Variants in ITIH6 observed in about 807,000 individuals in gnomAD.
ITIH6 encodes the protein inter-alpha-trypsin inhibitor heavy chain family member 6, also known as inter-alpha-trypsin inhibitor heavy chain H6.
In ITIH6, 60 loss-of-function variants were observed where a neutral mutation model predicts 58.2. The ratio of observed to expected loss-of-function variants is 1.03; its 90% CI spans 0.84 to 1.28. The LOEUF (loss-of-function observed/expected upper bound fraction) is 1.28, where lower values mean the gene tolerates loss of function less well. ITIH6 is among the 50% of genes most tolerant of loss of function. ITIH6 has a pLI of 0.00. For synonymous variants in ITIH6, 493 were observed against 417.4 expected, an observed-to-expected ratio of 1.18 and a Z score of -2.21; for missense variants, 1,290 against 1,021.1, an observed-to-expected ratio of 1.26 and a Z score of -3.59.
chrX:54,753,880 A>G (rs1569543813), intron 10 of ITIH6, 50 bp downstream of exon 10: 3 of 1,178,440 alleles, frequency 2.5e-6, no homozygotes, highest in Non-Finnish European at 3.5e-6. Context: ...GTCCCAGTGC[A>G]CAAGCTGCCC....
chrX:54,780,071 A>G (rs1302054741), intron 5 of ITIH6, among the ~76,000 whole-genome samples: 1 of 111,391 alleles, frequency 9.0e-6, no homozygotes, highest in African/African-American at 3.3e-5. Flanking sequence ...CCAACATGAT[A>G]ATCGCTAGAG....
chrX:54,761,744 T>A (rs1463287632), intron 6 of ITIH6, among the ~76,000 whole-genome samples: 1 of 110,899 alleles, frequency 9.0e-6, no homozygotes, highest in Non-Finnish European at 1.9e-5. Context: ...GATCAGATGG[T>A]TGTAGATGTG....
At chrX:54,765,952 G>T (rs1928775236) in intron 6 of ITIH6, among the ~76,000 whole-genome samples, 1 of 111,356 alleles carries the variant, frequency 9.0e-6, no homozygotes, top group Non-Finnish European at 1.9e-5. Context: ...GATTGATGGG[G>T]ATGGCATTGA....
chrX:54,763,375 A>T (rs772037481), intron 6 of ITIH6, among the ~76,000 whole-genome samples: 1 of 111,589 alleles, frequency 9.0e-6, no homozygotes, highest in African/African-American at 3.3e-5. Context: ...GTGAGAGCCT[A>T]TGAGGTCCTA....
In ITIH6 at chrX:54,758,565, C is replaced by T; in HGVS notation, c.1509G>A (p.Leu503=). ...CTGGCTGCACCTGTCCTGCCACCAC[C>T]AGCTCAGAGCCACCAAAGTAGTTGG... ...VFPNYFGGSE[L]VVAGQVQPGK... The change falls in exon 8 of 13, where the codon CTG becomes CTA. Residue 503 remains leucine (L), a synonymous_variant. Coordinates refer to ENST00000218436, the MANE Select transcript of ITIH6 (RefSeq NM_198510.3). 2 of 1,210,717 alleles carry T rather than the reference C, an allele frequency of 1.7e-6. No individual in the cohort carries two copies. Among genetic ancestry groups the T allele is most frequent in the Non-Finnish European group, 2.2e-6 (2 of 894,944 alleles).
chrX:54,791,218 C>T (rs1929343262), intron 3 of ITIH6, 134 bp from the exon 4 acceptor site: 11 of 576,727 alleles, frequency 1.9e-5, no homozygotes. Context: ...TCAACTGAGT[C>T]ACTGGCTCAT....
chrX:54,762,905 T>G (rs5961131), intron 6 of ITIH6, among the ~76,000 whole-genome samples: 1 of 111,246 alleles, frequency 9.0e-6, no homozygotes, highest in Admixed American at 9.6e-5. Flanking sequence ...GCACTGTGCT[T>G]AACCCTTTTG....
chrX:54,756,972 A>T lies in ITIH6; in HGVS notation c.3102T>A (p.Asp1034Glu). ...PPAFYTFLTPDEDGSPNWDGN... is the reference protein window; with the variant it reads ...PPAFYTFLTPEEDGSPNWDGN... ...CTTACCCATGGCACTCACCATCTTC[A>T]TCAGGAGTGAGGAAGGTATAGAAAG... Residue 1034 changes from aspartate to glutamate, a missense_variant, in exon 8 of 13, where the codon GAT (aspartate) becomes GAA (glutamate). Coordinates refer to ENST00000218436, the MANE Select transcript of ITIH6 (RefSeq NM_198510.3). 1 of 1,168,216 alleles carries T rather than the reference A, an allele frequency of 8.6e-7. No homozygotes were observed. The highest frequency in any genetic ancestry group is 1.2e-6 in the Non-Finnish European group (1 of 867,284).
rs778414439 is a variant in ITIH6 at position 54,755,129 on chromosome X, T to C, written c.3110-20A>G. 5.2e-6 allele frequency: 6 copies of C among 1,159,510 alleles called. No individual in the cohort carries two copies. In the African/African-American group the frequency reaches 8.9e-5, roughly 17 times the overall value. Reference sequence around the variant, plus strand: ...GACTTCCTGCCAAGCACAAAAGAAATAAGAAAACCCTTCAAATTCCAGGGG... The same window carrying C: ...GACTTCCTGCCAAGCACAAAAGAAACAAGAAAACCCTTCAAATTCCAGGGG... On this transcript the variant is annotated intron_variant, in intron 8 of 12. Transcript: ENST00000218436.
At position 54,764,910 on chromosome X, in the gene ITIH6, C is replaced by A. The variant is rs1233480430; in HGVS notation, c.904-4983G>T. Among the ~76,000 whole-genome samples, 73 of 99,783 alleles carry A rather than the reference C, an allele frequency of 7.3e-4. 1 individual carries two copies. Among genetic ancestry groups the A allele is most frequent in the African/African-American group, 1.6e-3 (44 of 27,339 alleles). 86.6% of individuals were successfully genotyped at this position (99,783 alleles called of 115,157 possible). A position where few individuals can be genotyped will look rare whatever the true frequency, so the allele number is the denominator to read the frequency against. On this transcript the variant is annotated intron_variant, in intron 6 of 12. Transcript: ENST00000218436. ...AAGTGTCCCTATTTCTCCACATCCT[C>A]TCCAGCACCTGTTGTTTCCTGACTT...
chrX:54,771,613 G>A (rs189702302), intron 6 of ITIH6, among the ~76,000 whole-genome samples: 15 of 111,410 alleles, frequency 1.3e-4, no homozygotes, highest in African/African-American at 4.9e-4. Flanking sequence ...ATCCATTAGT[G>A]CCCACAGCAT....
At chrX:54,764,379 A>T (rs989041498) in intron 6 of ITIH6, among the ~76,000 whole-genome samples, 9 of 108,430 alleles carry the variant, frequency 8.3e-5, no homozygotes, top group African/African-American at 2.7e-4. Context: ...ATCTAGTATT[A>T]GGTATATCTC....
rs921020622 is a variant in ITIH6 at position 54,757,575 on chromosome X, G to C, written c.2499C>G (p.Thr833=). The change falls in exon 8 of 13, where the codon ACC becomes ACG. Residue 833 remains threonine, a synonymous_variant. Coordinates refer to ENST00000218436, the MANE Select transcript of ITIH6 (RefSeq NM_198510.3). ...GCCCCAGGTGTGGCATGTTGTTTCG[G>C]GTCTTGGGAGCAGGAACCCTAGGTC... ...HTRPRVPAPK[T]RNNMPHLGPG... is the part of the protein sequence containing the mutation. 1 of 1,210,766 alleles carries C rather than the reference G, an allele frequency of 8.3e-7. No individual in the cohort carries two copies. The highest frequency in any genetic ancestry group is 1.7e-5 in the African/African-American group (1 of 57,581).
chrX:54,772,304 A>C (rs1928968321), intron 6 of ITIH6, among the ~76,000 whole-genome samples: 2 of 112,209 alleles, frequency 1.8e-5, no homozygotes, highest in Non-Finnish European at 3.8e-5. Context: ...CATTGAACAC[A>C]CATGTACACA....
chrX:54,765,625 C>G (rs1358992548), intron 6 of ITIH6, among the ~76,000 whole-genome samples: 81 of 88,854 alleles, frequency 9.1e-4, no homozygotes, highest in East Asian at 8.0e-3. Context: ...GAGACGGAGT[C>G]TCGCTCTGTT....
chrX:54,791,747 C>A (rs1209898601), intron 3 of ITIH6, among the ~76,000 whole-genome samples, 179 bp downstream of exon 3: 1 of 112,186 alleles, frequency 8.9e-6, no homozygotes. Context: ...TTATTGAACA[C>A]CCACCCTGTT....
In ITIH6 at chrX:54,790,841, A is replaced by G. The variant is rs773657808; in HGVS notation, c.612T>C (p.His204=). Residue 204 remains histidine (H), a synonymous_variant, in exon 4 of 13, where the codon CAT becomes CAC. Transcript: ENST00000218436. ...LRTGRLRTNA[H]ASEVDSPPST... ...CCCATAGTGCTGCCCACATACTTGC[A>G]TGGGCATTGGTGCGCAGACGGCCGG... 3.3e-6 allele frequency: 4 copies of G among 1,210,836 alleles called. No homozygotes were observed. Among genetic ancestry groups the G allele is most frequent in the Admixed American group, 4.3e-5 (2 of 45,998 alleles).
In ITIH6 at chrX:54,758,411, TG is replaced by T. The variant is rs765688002; in HGVS notation, c.1662del (p.Asn555MetfsTer51). The T allele has an allele frequency of 6.2e-5, 75 of 1,208,972 alleles. No homozygotes were observed. Among genetic ancestry groups the T allele is most frequent in the South Asian group, 6.2e-4 (35 of 56,503 alleles). ...AGGCGGCGGATGAAGTGGGCCACAT[TG>T]GGGGCTGGCTCCCCTGGGCAACCAA... ...KAFGCPGEPA[P>X]NVAHFIRRLW... On this transcript the variant is annotated frameshift_variant, in exon 8 of 13. Transcript: ENST00000218436. LOFTEE classifies it high-confidence loss of function.
intron 5 of ITIH6, among the ~76,000 whole-genome samples, chrX:54,781,250 A>G (rs1747926930): frequency 8.9e-6 from 1 of 112,262 alleles, no homozygotes; most frequent in Admixed American, 9.5e-5. Context: ...GTGGGATCCA[A>G]TTAAACTAAA....
Sources: gnomAD v4.1 joint callset for allele counts (sites outside exome capture counted in the v4.1 genomes callset) on GRCh38, gnomAD v4.1.1 for gene constraint, MANE v1.5 for transcripts, NCBI Gene and HGNC (gene_info 2026-07-23, HGNC 2026-07-21) for gene names.